Variants in RBMS3 observed in about 807,000 individuals in gnomAD.
RBMS3 encodes RNA binding motif single stranded interacting protein 3.
In RBMS3, 27 loss-of-function variants were observed where a neutral mutation model predicts 66.8. The ratio of observed to expected loss-of-function variants is 0.40; its 90% confidence interval spans 0.30 to 0.56. RBMS3 has a LOEUF of 0.56. Among genes scored for constraint, RBMS3 ranks in the 20% least tolerant of loss-of-function variants. RBMS3 has a pLI of 0.40. For missense variants in RBMS3, 513 were observed against 549.5 expected (o/e 0.93, Z 0.66); for synonymous variants, 188 against 183.0 (o/e 1.03, Z -0.22).
intron 6 of RBMS3, among the ~76,000 whole-genome samples, chr3:29,852,715 T>A (rs1428138620): frequency 1.3e-5 from 2 of 151,930 alleles, no homozygotes; most frequent in Non-Finnish European, 2.9e-5. Context: ...TTGGTAGGAG[T>A]GTAAGTTAGT....
At chr3:29,513,204 T>A (rs1315175663) in intron 3 of RBMS3, among the ~76,000 whole-genome samples, 1 of 152,164 alleles carries the variant, frequency 6.6e-6, no homozygotes, top group East Asian at 1.9e-4. Context: ...CCTAGAACCC[T>A]CTGGCAAAGG....
At chr3:29,329,552 A>G (rs1456476335) in intron 1 of RBMS3, among the ~76,000 whole-genome samples, 3 of 152,044 alleles carry the variant, frequency 2.0e-5, no homozygotes, top group African/African-American at 7.2e-5. Flanking sequence ...CATATAGAAA[A>G]CTGAATAAGC....
intron 6 of RBMS3, among the ~76,000 whole-genome samples, chr3:29,839,842 T>C (rs1008371172): frequency 4.0e-5 from 6 of 151,854 alleles, no homozygotes; most frequent in African/African-American, 1.4e-4. Flanking sequence ...GCTAAAATAA[T>C]GGACATCTAC....
intron 1 of RBMS3, among the ~76,000 whole-genome samples, chr3:29,432,749 A>C (rs1575800344): frequency 1.3e-5 from 2 of 152,170 alleles, no homozygotes; most frequent in East Asian, 3.8e-4. Flanking sequence ...AAAATACCAG[A>C]GTGTTGTAGG....
chr3:29,378,711 T>C (rs2038613398), intron 1 of RBMS3, among the ~76,000 whole-genome samples: 2 of 152,190 alleles, frequency 1.3e-5, no homozygotes, highest in Admixed American at 1.3e-4. Flanking sequence ...TCCTGATATA[T>C]ATTCTTCTAG....
intron 4 of RBMS3, among the ~76,000 whole-genome samples, chr3:29,737,876 G>A (rs1291557831): frequency 8.2e-6 from 1 of 121,824 alleles, no homozygotes; most frequent in Admixed American, 8.0e-5. Context: ...GTGTTTATAT[G>A]TATGTCTGTG....
At position 29,610,651 on chromosome 3, in the gene RBMS3, C is replaced by A. The variant is rs144598640; in HGVS notation, c.399+23446C>A. Among the ~76,000 whole-genome samples, 45 of 152,158 alleles carry A rather than the reference C, an allele frequency of 3.0e-4. 2 individuals are homozygous for A. The East Asian group carries it at 8.5e-3, about 29-fold the overall frequency. On this transcript the variant is annotated intron_variant, in intron 4 of 14. Coordinates refer to ENST00000383767, the MANE Select transcript of RBMS3 (RefSeq NM_001003793.3). ...CAGGAACTGAAATAATAGATACCAA[C>A]AGAAAGATACATAGTAGATTGTGGA...
chr3:29,635,912 A>C (rs1197302915), intron 4 of RBMS3, among the ~76,000 whole-genome samples: 1 of 151,888 alleles, frequency 6.6e-6, no homozygotes, highest in South Asian at 2.1e-4. Context: ...AGAATCAAGC[A>C]AGGAAGAAAC....
At chr3:29,876,541 A>C (rs2059614900) in intron 7 of RBMS3, among the ~76,000 whole-genome samples, 1 of 152,198 alleles carries the variant, frequency 6.6e-6, no homozygotes, top group Non-Finnish European at 1.5e-5. Context: ...CAAGATGAGC[A>C]TGACTAGCTG....
In RBMS3 at chr3:29,884,122, C is replaced by T. The variant is rs372029470; in HGVS notation, c.745-40C>T. On this transcript the variant is annotated intron_variant, in intron 7 of 14. Coordinates refer to ENST00000383767, the MANE Select transcript of RBMS3 (RefSeq NM_001003793.3). ...AATGTTTTGGGCACCACAATAAAAA[C>T]GTTAAGATTTGTTTTCTTCCCTCTT... The T allele has an allele frequency of 2.0e-4, 308 of 1,566,028 alleles. 2 individuals are homozygous for T. The highest frequency in any genetic ancestry group is 4.1e-4 in the Admixed American group (23 of 56,578).
chr3:29,987,086 A>G (rs1698438862), intron 12 of RBMS3, among the ~76,000 whole-genome samples: 1 of 152,224 alleles, frequency 6.6e-6, no homozygotes, highest in Non-Finnish European at 1.5e-5. Flanking sequence ...TTTCATATTG[A>G]TACATGAACT....
At chr3:29,664,446 C>T (rs1000694044) in intron 4 of RBMS3, among the ~76,000 whole-genome samples, 7 of 151,950 alleles carry the variant, frequency 4.6e-5, no homozygotes, top group Non-Finnish European at 4.4e-5. Context: ...CGAGATGGCA[C>T]GACTGCACTC....
chr3:29,850,375 A>AAT (rs1437830304), intron 6 of RBMS3, among the ~76,000 whole-genome samples: 1 of 152,210 alleles, frequency 6.6e-6, no homozygotes, highest in Non-Finnish European at 1.5e-5. Context: ...CATAACCTTC[A>AAT]ATATATTCAA....
intron 1 of RBMS3, among the ~76,000 whole-genome samples, chr3:29,313,976 C>T (rs1313983516): frequency 6.6e-6 from 1 of 151,652 alleles, no homozygotes; most frequent in East Asian, 1.9e-4. Flanking sequence ...AATCTCCTTG[C>T]TGTTATTGCT....
intron 6 of RBMS3, among the ~76,000 whole-genome samples, chr3:29,775,448 C>A (rs534825653): frequency 6.6e-6 from 1 of 151,766 alleles, no homozygotes; most frequent in African/African-American, 2.4e-5. Flanking sequence ...ATTTAAGCAG[C>A]GTGTGTGGCA....
chr3:29,923,378 C>A (rs539137043), intron 10 of RBMS3, among the ~76,000 whole-genome samples: 8 of 152,140 alleles, frequency 5.3e-5, no homozygotes, highest in Non-Finnish European at 8.8e-5. Flanking sequence ...GCAAAAACAA[C>A]GTGCCTTTGA....
intron 4 of RBMS3, among the ~76,000 whole-genome samples, chr3:29,729,759 T>C (rs527958819): frequency 6.6e-6 from 1 of 152,184 alleles, no homozygotes; most frequent in Admixed American, 6.5e-5. Context: ...AATTTTTTAA[T>C]TGGGAAAAAC....
intron 1 of RBMS3, chr3:29,390,993 C>G: frequency 3.2e-6 from 1 of 312,816 alleles, no homozygotes; most frequent in Admixed American, 2.9e-5. Context: ...ACGCCCATCT[C>G]TGTGTTTACA....
intron 7 of RBMS3, among the ~76,000 whole-genome samples, chr3:29,869,477 A>G (rs1208853008): frequency 6.6e-6 from 1 of 152,168 alleles, no homozygotes; most frequent in African/African-American, 2.4e-5. Flanking sequence ...ATATACACAC[A>G]CACACACACA....
Sources: gnomAD v4.1 joint callset for allele counts (sites outside exome capture counted in the v4.1 genomes callset) on GRCh38, gnomAD v4.1.1 for gene constraint, MANE v1.5 for transcripts, NCBI Gene and HGNC (gene_info 2026-07-23, HGNC 2026-07-21) for gene names.